Variants in TANC2 observed in about 807,000 individuals in gnomAD.
The protein encoded by TANC2 is protein TANC2.
In TANC2, 26 loss-of-function variants were observed where a neutral mutation model predicts 210.5. The ratio of observed to expected loss-of-function variants is 0.12; its 90% CI spans 0.09 to 0.17. The LOEUF (loss-of-function observed/expected upper bound fraction) is 0.17, where lower values mean the gene tolerates loss of function less well. Among genes scored for constraint, TANC2 ranks in the 10% least tolerant of loss-of-function variants. TANC2 has a pLI of 1.00. For synonymous variants in TANC2, 931 were observed against 967.1 expected (o/e 0.96, Z 0.69); for missense variants, 2,129 against 2,608.9 (o/e 0.82, Z 4.01).
At chr17:63,120,212 T>C (rs1017196922) in intron 4 of TANC2, among the ~76,000 whole-genome samples, 4 of 152,186 alleles carry the variant, frequency 2.6e-5, no homozygotes, top group Non-Finnish European at 5.9e-5. Flanking sequence ...TCCTTAAAGA[T>C]TGTATATTAA....
chr17:63,074,057 G>A (rs1251294769), intron 3 of TANC2, 43 bp downstream of exon 3: 9 of 1,469,806 alleles, frequency 6.1e-6, no homozygotes, highest in Admixed American at 6.1e-5. Flanking sequence ...AAAAAATAAC[G>A]ATAGATATTT....
rs1194013492 is a variant in TANC2, at chr17:63,413,704, A to G, written c.4020+70A>G. On this transcript the variant is annotated intron_variant, in intron 25 of 27. Transcript: ENST00000689528. ...TGTTTTCCATGTGTAGAATCTTACA[A>G]AGTCTTGATAATTCTCATCCTTTGC... The G allele has an allele frequency of 5.1e-6, 7 of 1,361,508 alleles. No individual in the cohort carries two copies. In the East Asian group the frequency reaches 1.5e-4, roughly 29 times the overall value. 84.3% of individuals were successfully genotyped at this position (1,361,508 alleles called of 1,614,324 possible).
Position 62,990,750 on chromosome 17 carries a change from G to A in TANC2, c.-23-18787G>A, listed in dbSNP as rs527536366. 5.9e-5 allele frequency among the ~76,000 whole-genome samples: 9 copies of A among 152,282 alleles called. No individual in the cohort carries two copies. The South Asian group carries it at 1.9e-3, about 32-fold the overall frequency. ...ATAATTTGACCTCAGAGAGAAAAAG[G>A]AATATGTCTATTTTAATAGGAGGAG... On this transcript the variant is annotated intron_variant, in intron 1 of 27. Coordinates refer to ENST00000689528, the Ensembl canonical transcript of TANC2.
intron 3 of TANC2, among the ~76,000 whole-genome samples, chr17:63,091,860 C>CATTT: frequency 6.6e-6 from 1 of 152,212 alleles, no homozygotes; most frequent in South Asian, 2.1e-4. Flanking sequence ...AATGTTCTTC[C>CATTT]ATTTGTTTGT....
intron 4 of TANC2, among the ~76,000 whole-genome samples, chr17:63,120,179 A>G (rs891691893): frequency 1.3e-5 from 2 of 148,582 alleles, no homozygotes; most frequent in Admixed American, 1.3e-4. Context: ...TTTTTTTTTT[A>G]TGTTTGGGAT....
intron 14 of TANC2, 90 bp downstream of exon 14, chr17:63,355,480 T>G: frequency 7.5e-7 from 1 of 1,331,974 alleles, no homozygotes; most frequent in Non-Finnish European, 1.0e-6. Context: ...TGTTCTTCAT[T>G]GAACATTTCA....
At chr17:63,050,255 G>A (rs1052337281) in intron 2 of TANC2, among the ~76,000 whole-genome samples, 5 of 151,836 alleles carry the variant, frequency 3.3e-5, no homozygotes, top group African/African-American at 1.2e-4. Context: ...TACTCAGGAG[G>A]CTGAGGTGGA....
At chr17:63,188,262 C>T (rs578024363) in intron 5 of TANC2, among the ~76,000 whole-genome samples, 5 of 150,980 alleles carry the variant, frequency 3.3e-5, no homozygotes, top group African/African-American at 1.2e-4. Flanking sequence ...TCAGAGGTTC[C>T]GGAACAGCCT....
intron 5 of TANC2, among the ~76,000 whole-genome samples, chr17:63,172,344 G>T (rs2040433274): frequency 6.6e-6 from 1 of 151,896 alleles, no homozygotes; most frequent in Non-Finnish European, 1.5e-5. Flanking sequence ...ACCATTCCCA[G>T]CTAATTTTTT....
intron 7 of TANC2, among the ~76,000 whole-genome samples, chr17:63,226,551 G>A (rs2042333615): frequency 6.6e-6 from 1 of 152,190 alleles, no homozygotes; most frequent in East Asian, 1.9e-4. Context: ...ACGGAGATCA[G>A]CAAACACTGC....
intron 14 of TANC2, among the ~76,000 whole-genome samples, chr17:63,371,760 C>T (rs1484409863): frequency 6.6e-6 from 1 of 152,152 alleles, no homozygotes; most frequent in African/African-American, 2.4e-5. Flanking sequence ...TATCCAACTT[C>T]CATAATGTTA....
intron 2 of TANC2, among the ~76,000 whole-genome samples, chr17:63,029,372 T>C (rs2034675869): frequency 6.6e-6 from 1 of 152,142 alleles, no homozygotes. Flanking sequence ...ATATCTCTTA[T>C]CCATTTTGTA....
chr17:63,316,974 C>T (rs1567909312), intron 10 of TANC2, among the ~76,000 whole-genome samples: 1 of 151,088 alleles, frequency 6.6e-6, no homozygotes, highest in Non-Finnish European at 1.5e-5. Flanking sequence ...TTATATTAAA[C>T]TTAATATAAG....
At chr17:63,114,020 A>G (rs776475389) in intron 4 of TANC2, among the ~76,000 whole-genome samples, 2 of 152,184 alleles carry the variant, frequency 1.3e-5, no homozygotes, top group Non-Finnish European at 2.9e-5. Context: ...AAATTTTATA[A>G]CTTTAGATTA....
chr17:63,041,135 T>G (rs1451740203), intron 2 of TANC2, among the ~76,000 whole-genome samples: 2 of 152,112 alleles, frequency 1.3e-5, no homozygotes, highest in Non-Finnish European at 2.9e-5. Flanking sequence ...TATTGTATAT[T>G]TTCAGAAACT....
At position 63,388,758 on chromosome 17, in the gene TANC2, G is replaced by A; in HGVS notation, c.2814+1G>A. The A allele has an allele frequency of 1.3e-6, 2 of 1,507,472 alleles. No homozygotes were observed. Among genetic ancestry groups the A allele is most frequent in the Non-Finnish European group, 8.9e-7 (1 of 1,125,960 alleles). The allele number at this position is 1,507,472 out of a possible 1,614,324, so 93.4% of individuals were successfully genotyped here. On this transcript the variant is annotated splice_donor_variant, in intron 16 of 27. Transcript: ENST00000689528. LOFTEE classifies it high-confidence loss of function. ...AAATCTCTACACTCCAAATATAAAG[G>A]TAAATTTATAAAGAAATTATAAATA... is the stretch of plus-strand genomic sequence containing the variant.
At chr17:63,218,562 T>C (rs1347901056) in intron 7 of TANC2, among the ~76,000 whole-genome samples, 4 of 152,068 alleles carry the variant, frequency 2.6e-5, no homozygotes, top group African/African-American at 7.2e-5. Flanking sequence ...TGATACTCTG[T>C]GTATAAAGTT....
chr17:63,124,140 T>A (rs1035727494), intron 4 of TANC2, among the ~76,000 whole-genome samples: 4 of 152,116 alleles, frequency 2.6e-5, no homozygotes, highest in African/African-American at 9.7e-5. Flanking sequence ...CTAATCTTAT[T>A]TATGAAGAAA....
intron 2 of TANC2, among the ~76,000 whole-genome samples, chr17:63,056,955 A>C (rs1025824719): frequency 2.6e-5 from 4 of 151,464 alleles, no homozygotes; most frequent in African/African-American, 9.7e-5. Context: ...TATTGATGTT[A>C]CTTCTGACAT....
Sources: gnomAD v4.1 joint callset for allele counts (sites outside exome capture counted in the v4.1 genomes callset) on GRCh38, gnomAD v4.1.1 for gene constraint, MANE v1.5 for transcripts, NCBI Gene and HGNC (gene_info 2026-07-23, HGNC 2026-07-21) for gene names.